ABCA6: variants seen among roughly 807,000 people sequenced by gnomAD.
ABCA6 encodes the protein ATP-binding cassette sub-family A member 6.
Under a neutral mutation model 191.2 loss-of-function variants are expected in ABCA6, and 164 were observed. That is an observed-to-expected ratio of 0.86 (90% CI 0.76 to 0.98). The LOEUF is 0.98. Ranked by LOEUF, ABCA6 falls within the 50% of genes least tolerant of loss-of-function variation. The pLI, the probability that ABCA6 is intolerant of heterozygous loss-of-function variation, is 0.00. For missense variants in ABCA6, 1,958 were observed against 1,894.1 expected, an observed-to-expected ratio of 1.03 and a Z score of -0.63; for synonymous variants, 636 against 647.7, an observed-to-expected ratio of 0.98 and a Z score of 0.27.
intron 2 of ABCA6, among the ~76,000 whole-genome samples, chr17:69,139,848 C>CA (rs2074001775): frequency 6.8e-6 from 1 of 146,354 alleles, no homozygotes; most frequent in East Asian, 2.0e-4. Context: ...ATTGCAAGGA[C>CA]AAAAAACCAA....
At chr17:69,114,998 T>A (rs975368503) in intron 12 of ABCA6, 61 bp from the exon 13 acceptor site, 9 of 1,276,230 alleles carry the variant, frequency 7.1e-6, no homozygotes, top group Non-Finnish European at 1.1e-6. Context: ...TATTCATAGA[T>A]CTCATTTAAG....
At chr17:69,082,020 A>C (rs1185843000) in intron 36 of ABCA6, among the ~76,000 whole-genome samples, 1 of 152,086 alleles carries the variant, frequency 6.6e-6, no homozygotes, top group Non-Finnish European at 1.5e-5. Flanking sequence ...GGTGGCACTA[A>C]GGTTGACCAG....
At chr17:69,086,219 G>T (rs1030436103) in intron 30 of ABCA6, among the ~76,000 whole-genome samples, 8 of 151,994 alleles carry the variant, frequency 5.3e-5, no homozygotes, top group African/African-American at 1.9e-4. Flanking sequence ...ACACAAGTCC[G>T]CTAAAAACTC....
intron 2 of ABCA6, among the ~76,000 whole-genome samples, chr17:69,139,138 C>T (rs1048666931): frequency 3.7e-4 from 57 of 152,290 alleles, no homozygotes; most frequent in African/African-American, 1.3e-3. Flanking sequence ...GCAAAAGAAA[C>T]TACCATCAGG....
chr17:69,112,944 A>T (rs2073456951), intron 15 of ABCA6: 1 of 235,006 alleles, frequency 4.3e-6, no homozygotes, highest in African/African-American at 2.3e-5. Context: ...TCTATTTTTC[A>T]ATTAAATATA....
intron 27 of ABCA6, among the ~76,000 whole-genome samples, chr17:69,088,473 T>C (rs534669017): frequency 1.3e-5 from 2 of 152,236 alleles, no homozygotes; most frequent in South Asian, 2.1e-4. Flanking sequence ...GTAAATTCTA[T>C]CTACTCTATC....
chr17:69,128,093 G>A (rs952339234), intron 8 of ABCA6, among the ~76,000 whole-genome samples: 36 of 152,050 alleles, frequency 2.4e-4, no homozygotes, highest in African/African-American at 8.2e-4. Context: ...GTAATGAAAA[G>A]CAAATAAGTG....
chr17:69,119,121 T>A (rs181229106), intron 10 of ABCA6, among the ~76,000 whole-genome samples: 1 of 152,154 alleles, frequency 6.6e-6, no homozygotes, highest in African/African-American at 2.4e-5. Flanking sequence ...GGTGATGAGT[T>A]TTTCTTGGCA....
intron 10 of ABCA6, among the ~76,000 whole-genome samples, chr17:69,120,233 A>C (rs1279445658): frequency 1.3e-5 from 2 of 152,072 alleles, no homozygotes; most frequent in Non-Finnish European, 2.9e-5. Flanking sequence ...ATAAACATAT[A>C]ATATATCCAT....
At chr17:69,140,021 A>G (rs2074004849) in intron 2 of ABCA6, among the ~76,000 whole-genome samples, 1 of 151,782 alleles carries the variant, frequency 6.6e-6, no homozygotes, top group Non-Finnish European at 1.5e-5. Context: ...TGGGTGCAGC[A>G]CACCAGCATG....
chr17:69,134,600 C>G (rs780601108), intron 5 of ABCA6, 39 bp downstream of exon 5: 2 of 1,453,486 alleles, frequency 1.4e-6, no homozygotes, highest in South Asian at 1.2e-5. Context: ...CTGGAAGTAG[C>G]TGACATTAAT....
chr17:69,130,476 T>C (rs2073842766), intron 6 of ABCA6, among the ~76,000 whole-genome samples: 1 of 152,202 alleles, frequency 6.6e-6, no homozygotes, highest in Admixed American at 6.5e-5. Flanking sequence ...ATCATATGTA[T>C]GTATTATTCT....
intron 37 of ABCA6, among the ~76,000 whole-genome samples, chr17:69,079,504 G>T (rs1012763586): frequency 1.3e-5 from 2 of 151,952 alleles, no homozygotes; most frequent in African/African-American, 2.4e-5. Flanking sequence ...TTGGTATTGC[G>T]TGCGTATGTC....
intron 8 of ABCA6, among the ~76,000 whole-genome samples, chr17:69,127,358 C>T (rs2073773186): frequency 6.6e-6 from 1 of 151,742 alleles, no homozygotes; most frequent in South Asian, 2.1e-4. Context: ...AGGAAAAAAG[C>T]CAGCAACAAA....
At chr17:69,087,591 G>T in intron 28 of ABCA6, 118 bp from the exon 29 acceptor site, 1 of 1,321,298 alleles carries the variant, frequency 7.6e-7, no homozygotes, top group South Asian at 1.4e-5. Context: ...GTGATGATGT[G>T]ATGATGACTG....
chr17:69,131,795 C>T (rs1199628017), intron 6 of ABCA6, among the ~76,000 whole-genome samples: 1 of 152,072 alleles, frequency 6.6e-6, no homozygotes. Flanking sequence ...ATCACTTATC[C>T]TGAGAATGAA....
At chr17:69,133,908 A>G in intron 5 of ABCA6, 41 bp from the exon 6 acceptor site, 1 of 1,348,284 alleles carries the variant, frequency 7.4e-7, no homozygotes, top group Non-Finnish European at 1.0e-6. Context: ...TATTTAAAAG[A>G]TAGAAACTGG....
At chr17:69,105,273 T>C in intron 20 of ABCA6, 189 bp downstream of exon 20, 2 of 593,090 alleles carry the variant, frequency 3.4e-6, no homozygotes, top group East Asian at 3.1e-5. Flanking sequence ...TCTTTTTCTC[T>C]TGTCCTCATC....
rs2073787775 is a variant in ABCA6, at chr17:69,128,175, T to G, written c.1119+444A>C. On this transcript the variant is annotated intron_variant, in intron 8 of 38. Coordinates refer to ENST00000284425, the MANE Select transcript of ABCA6 (RefSeq NM_080284.3). ...GTTTGTGACTGGTGGCAACATCCTA[T>G]TCCTTGATCTAGTTCATAGATACTT... Among the ~76,000 whole-genome samples, 4 of 152,080 alleles carry G rather than the reference T, an allele frequency of 2.6e-5. No homozygotes were observed. In the South Asian group the frequency reaches 8.3e-4, roughly 31 times the overall value.
Sources: allele counts gnomAD v4.1 joint callset (sites outside exome capture counted in the v4.1 genomes callset), GRCh38; gene constraint gnomAD v4.1.1; transcripts MANE v1.5; gene names NCBI Gene and HGNC (gene_info 2026-07-23, HGNC 2026-07-21).